Variants in BBS9 observed in about 807,000 individuals in gnomAD.
BBS9 encodes Bardet-Biedl syndrome 9.
BBS9 carries 89 observed loss-of-function variants against 117.7 expected under a neutral mutation model. That is an observed-to-expected ratio of 0.76 (90% CI 0.64 to 0.90). BBS9 has a LOEUF of 0.90. Ranked by LOEUF, BBS9 falls within the 40% of genes least tolerant of loss-of-function variation. The probability of loss-of-function intolerance (pLI) is 0.00; values close to 1 mark genes in which losing one functional copy is unlikely to be tolerated. For missense variants in BBS9, 982 were observed against 1,042.2 expected, an observed-to-expected ratio of 0.94 and a Z score of 0.80; for synonymous variants, 379 against 370.9, an observed-to-expected ratio of 1.02 and a Z score of -0.25.
chr7:33,401,929 A>G (rs942865755), intron 19 of BBS9, among the ~76,000 whole-genome samples: 1 of 152,182 alleles, frequency 6.6e-6, no homozygotes, highest in African/African-American at 2.4e-5. Context: ...CTTATATAAT[A>G]TCATGTGATG....
intron 9 of BBS9, among the ~76,000 whole-genome samples, chr7:33,275,152 T>A (rs558381631): frequency 6.6e-6 from 1 of 152,172 alleles, no homozygotes; most frequent in African/African-American, 2.4e-5. Context: ...GTGTTTTATC[T>A]AAAGCCTGAA....
At chr7:33,494,027 T>A (rs772931140) in intron 19 of BBS9, among the ~76,000 whole-genome samples, 7 of 152,214 alleles carry the variant, frequency 4.6e-5, no homozygotes, top group Non-Finnish European at 1.0e-4. Context: ...ACTAGTAGCC[T>A]AAGTCCTTGT....
intron 20 of BBS9, among the ~76,000 whole-genome samples, chr7:33,530,053 C>T (rs1259414223): frequency 6.6e-6 from 1 of 152,156 alleles, no homozygotes; most frequent in Non-Finnish European, 1.5e-5. Context: ...AGTTTTATTT[C>T]ATATTTCCAT....
intron 17 of BBS9, among the ~76,000 whole-genome samples, chr7:33,371,399 A>G (rs985263004): frequency 1.3e-5 from 2 of 152,186 alleles, no homozygotes; most frequent in African/African-American, 2.4e-5. Context: ...AGTGTTTTCA[A>G]TAAGGATTGA....
At chr7:33,293,812 A>G (rs1390207597) in intron 9 of BBS9, among the ~76,000 whole-genome samples, 2 of 152,182 alleles carry the variant, frequency 1.3e-5, no homozygotes. Context: ...TATTTCTCCC[A>G]AATATCTTTT....
At chr7:33,132,868 A>G (rs888628500) in intron 1 of BBS9, among the ~76,000 whole-genome samples, 2 of 152,194 alleles carry the variant, frequency 1.3e-5, no homozygotes, top group African/African-American at 4.8e-5. Context: ...TCCAGGAGAA[A>G]GGGCAGAATT....
At chr7:33,155,590 G>A (rs774184161) in intron 3 of BBS9, 48 bp from the exon 4 acceptor site, 10 of 1,298,518 alleles carry the variant, frequency 7.7e-6, no homozygotes, top group Middle Eastern at 1.8e-4. Flanking sequence ...TTTTGGTTAC[G>A]TCTAAAGCTA....
chr7:33,300,561 A>C (rs1806183648), intron 9 of BBS9, among the ~76,000 whole-genome samples: 1 of 150,480 alleles, frequency 6.6e-6, no homozygotes, highest in Non-Finnish European at 1.5e-5. Context: ...TGCAGTTGCC[A>C]GGGTTATAAT....
chr7:33,230,156 C>T (rs536311498), intron 5 of BBS9, among the ~76,000 whole-genome samples: 2 of 152,246 alleles, frequency 1.3e-5, no homozygotes, highest in Admixed American at 6.5e-5. Flanking sequence ...TGGATATTCA[C>T]TCCTTGTGAG....
At position 33,358,080 on chromosome 7, in the gene BBS9, G is replaced by T. The variant is rs968518241; in HGVS notation, c.1693+85G>T. 1.0e-5 allele frequency: 15 copies of T among 1,477,082 alleles called. No individual in the cohort carries two copies. The African/African-American group carries it at 2.1e-4, about 21-fold the overall frequency. 91.5% of individuals were successfully genotyped at this position (1,477,082 alleles called of 1,614,324 possible). A position where few individuals can be genotyped will look rare whatever the true frequency, so the allele number is the denominator to read the frequency against. On this transcript the variant is annotated intron_variant, in intron 16 of 22. Coordinates refer to ENST00000242067, the MANE Select transcript of BBS9 (RefSeq NM_198428.3). ...TCCTTCATCAGCAGATAATGATGGG[G>T]TAATTATCAGATAATTGTTAAGTAA...
At chr7:33,272,915 C>A (rs1239673899) in intron 7 of BBS9, 97 bp from the exon 8 acceptor site, 4 of 1,215,354 alleles carry the variant, frequency 3.3e-6, no homozygotes, top group Non-Finnish European at 4.9e-6. Flanking sequence ...TATATTTCTG[C>A]TTTGTTGTAA....
intron 19 of BBS9, among the ~76,000 whole-genome samples, chr7:33,487,404 A>G (rs1378236447): frequency 6.6e-6 from 1 of 152,226 alleles, no homozygotes; most frequent in Non-Finnish European, 1.5e-5. Context: ...CTAACTTTAT[A>G]TAGTATCTAA....
At chr7:33,589,689 G>T (rs1312099247) in intron 21 of BBS9, among the ~76,000 whole-genome samples, 1 of 152,028 alleles carries the variant, frequency 6.6e-6, no homozygotes, top group Non-Finnish European at 1.5e-5. Context: ...GGAAAGGTTT[G>T]TGAAGGATAA....
At chr7:33,458,550 C>G (rs1378740668) in intron 19 of BBS9, among the ~76,000 whole-genome samples, 2 of 152,088 alleles carry the variant, frequency 1.3e-5, no homozygotes, top group African/African-American at 4.8e-5. Context: ...AAGTAACAAA[C>G]AAGAAGCTAA....
intron 19 of BBS9, among the ~76,000 whole-genome samples, chr7:33,441,782 C>G (rs1584843950): frequency 6.6e-6 from 1 of 151,830 alleles, no homozygotes; most frequent in African/African-American, 2.4e-5. Flanking sequence ...GACTTGGACT[C>G]TTGTGGAGCT....
intron 17 of BBS9, among the ~76,000 whole-genome samples, chr7:33,374,901 CAAAA>C (rs954530141): frequency 4.6e-5 from 3 of 64,526 alleles, no homozygotes; most frequent in Non-Finnish European, 9.1e-5. Context: ...AACTCCGTCT[CAAAA>C]AAAAAAAAAA....
At chr7:33,464,860 C>G (rs1339873345) in intron 19 of BBS9, among the ~76,000 whole-genome samples, 2 of 152,014 alleles carry the variant, frequency 1.3e-5, no homozygotes, top group Non-Finnish European at 2.9e-5. Context: ...AGGTCTTCCA[C>G]TGTCACCCAG....
At chr7:33,281,031 T>G (rs538424329) in intron 9 of BBS9, among the ~76,000 whole-genome samples, 2 of 151,404 alleles carry the variant, frequency 1.3e-5, no homozygotes, top group Admixed American at 6.6e-5. Flanking sequence ...TTCATAAATA[T>G]TTCTGGAATT....
chr7:33,598,913 CA>C (rs1863360422), intron 21 of BBS9, among the ~76,000 whole-genome samples: 1 of 152,160 alleles, frequency 6.6e-6, no homozygotes, highest in Non-Finnish European at 1.5e-5. Flanking sequence ...GCCCACAGGC[CA>C]AACCTGGCCC....
Sources: gnomAD v4.1 joint callset for allele counts (sites outside exome capture counted in the v4.1 genomes callset) on GRCh38, gnomAD v4.1.1 for gene constraint, MANE v1.5 for transcripts, NCBI Gene and HGNC (gene_info 2026-07-23, HGNC 2026-07-21) for gene names.